ADCK5: variants seen among roughly 807,000 people sequenced by gnomAD.
ADCK5 encodes the protein aarF domain containing kinase 5, also known as uncharacterized aarF domain-containing protein kinase 5.
Under a neutral mutation model 64.9 loss-of-function variants are expected in ADCK5, and 43 were observed. The observed-to-expected ratio is 0.66, with a 90% CI of 0.52 to 0.85. The LOEUF (loss-of-function observed/expected upper bound fraction) is 0.85, where lower values mean the gene tolerates loss of function less well. Ranked by LOEUF, ADCK5 falls within the 40% of genes least tolerant of loss-of-function variation. ADCK5 has a pLI of 0.00. For missense variants in ADCK5, 760 were observed against 810.5 expected, an observed-to-expected ratio of 0.94 and a Z score of 0.76; for synonymous variants, 434 against 342.8, an observed-to-expected ratio of 1.27 and a Z score of -2.94.
rs1300942314 is a variant in ADCK5, at chr8:144,374,047, G to C, written c.-49G>C. The C allele has an allele frequency of 1.2e-5, 15 of 1,244,238 alleles. No individual in the cohort carries two copies. The highest frequency in any genetic ancestry group is 8.4e-5 in the Admixed American group (2 of 23,696). The allele number at this position is 1,244,238 out of a possible 1,614,324, so 77.1% of individuals were successfully genotyped here. On this transcript the variant is annotated 5_prime_UTR_variant, in exon 1 of 15. Coordinates refer to ENST00000308860, the MANE Select transcript of ADCK5 (RefSeq NM_174922.5). The stretch of plus-strand genomic sequence containing the variant: ...CCTCCCGCAGGGCCTGCTGGGCTGC[G>C]AGACGCTAAGCGGCGCCGGGCGGGA...
upstream of ADCK5, chr8:144,373,118 A>C (rs1554856373): frequency 1.3e-5 from 2 of 152,508 alleles, no homozygotes; most frequent in Non-Finnish European, 2.9e-5. Flanking sequence ...CCTTAGGCCA[A>C]GCTGACTCAG....
At chr8:144,377,872 C>T (rs1027039092) in intron 1 of ADCK5, among the ~76,000 whole-genome samples, 2 of 152,212 alleles carry the variant, frequency 1.3e-5, no homozygotes, top group South Asian at 2.1e-4. Flanking sequence ...CCACTTCCTT[C>T]GGAGATGAGG....
At chr8:144,392,417 C>CAA (rs2130735980) in intron 12 of ADCK5, 28 bp from the exon 13 acceptor site, 6 of 1,325,664 alleles carry the variant, frequency 4.5e-6, no homozygotes, top group Non-Finnish European at 4.9e-6. Flanking sequence ...TCAGAGCCCC[C>CAA]TCCCTCCCTC....
chr8:144,380,922 C>G (rs1564668844), intron 2 of ADCK5, among the ~76,000 whole-genome samples: 1 of 81,214 alleles, frequency 1.2e-5, no homozygotes, highest in African/African-American at 5.3e-5. Flanking sequence ...ACCTGCCCCA[C>G]TCAGGATTAT....
upstream of ADCK5, among the ~76,000 whole-genome samples, chr8:144,373,542 C>G (rs1819236235): frequency 6.6e-6 from 1 of 152,224 alleles, no homozygotes; most frequent in African/African-American, 2.4e-5. Context: ...AGCCCTGGCC[C>G]TGGGAAGGTC....
rs561033526 is a variant in ADCK5, at chr8:144,379,500, C to G, written c.116+10C>G. The G allele has an allele frequency of 1.6e-5, 26 of 1,582,872 alleles. No individual in the cohort carries two copies. The African/African-American group carries it at 3.0e-4, about 18-fold the overall frequency. On this transcript the variant is annotated intron_variant, in intron 2 of 14. Coordinates refer to ENST00000308860, the MANE Select transcript of ADCK5 (RefSeq NM_174922.5). ...GGGGCCTTCCTCCAAGGTAACGAGT[C>G]CTCCACGGGCATGCGCCTCTCACCC...
In ADCK5 at chr8:144,383,229, A is replaced by G; in HGVS notation, c.265A>G (p.Arg89Gly). 4 of 1,572,782 alleles carry G rather than the reference A, an allele frequency of 2.5e-6. No individual in the cohort carries two copies. The highest frequency in any genetic ancestry group is 3.5e-6 in the Non-Finnish European group (4 of 1,158,198). ...GGTGGATGGCATGGGGCGCTTTGGC[A>G]GGTAGGAGGGCCTGGCGGCAGGCAG... ...LVVDGMGRFG[R>G]SLKVGLQISL... is the part of the protein sequence containing the mutation. Residue 89 changes from arginine (R) to glycine (G), a missense_variant and splice_region_variant, in exon 3 of 15, where the codon AGG (arginine) becomes GGG (glycine). Physicochemically the swap from Arg to Gly is moderately radical, Grantham distance 125 (BLOSUM62 -2). Around this residue, in one of 2 missense-constraint regions of ADCK5, gnomAD observed 427 missense variants for 518.4 expected, o/e 0.82. Transcript: ENST00000308860.
At chr8:144,382,985 A>G in intron 2 of ADCK5, 96 bp from the exon 3 acceptor site, 1 of 1,493,740 alleles carries the variant, frequency 6.7e-7, no homozygotes, top group Non-Finnish European at 9.0e-7. Context: ...CTGTGCACAC[A>G]GGAGTGAGAC....
rs190206240 is a variant in ADCK5, at chr8:144,389,443, C to T, written c.267-1228C>T. On this transcript the variant is annotated intron_variant, in intron 3 of 14. Coordinates refer to ENST00000308860, the MANE Select transcript of ADCK5 (RefSeq NM_174922.5). Reference sequence around the variant, plus strand: ...AACCCCATCTCTCCAGAGGATGCCACCGTCCATACTGTCCCCTACCCCATC... The same window carrying T: ...AACCCCATCTCTCCAGAGGATGCCATCGTCCATACTGTCCCCTACCCCATC... The T allele has an allele frequency of 1.8e-5, 8 of 442,034 alleles. No individual in the cohort carries two copies. The East Asian group carries it at 5.6e-4, about 31-fold the overall frequency. The allele number at this position is 442,034 out of a possible 1,614,324, so 27.4% of individuals were successfully genotyped here.
At chr8:144,375,883 G>A (rs1206833309) in intron 1 of ADCK5, among the ~76,000 whole-genome samples, 1 of 152,198 alleles carries the variant, frequency 6.6e-6, no homozygotes, top group Non-Finnish European at 1.5e-5. Context: ...GGAAGGCCCT[G>A]GGGACCCACC....
At chr8:144,390,392 G>A (rs529932784) in intron 3 of ADCK5, among the ~76,000 whole-genome samples, 1 of 152,212 alleles carries the variant, frequency 6.6e-6, no homozygotes, top group Non-Finnish European at 1.5e-5. Flanking sequence ...GCCTCCCAAT[G>A]TGATGGGATA....
At chr8:144,375,105 G>A (rs1273112105) in intron 1 of ADCK5, among the ~76,000 whole-genome samples, 3 of 152,254 alleles carry the variant, frequency 2.0e-5, no homozygotes, top group Non-Finnish European at 2.9e-5. Flanking sequence ...TTCATGGGCC[G>A]GGGAGGTGGC....
intron 3 of ADCK5, among the ~76,000 whole-genome samples, chr8:144,388,566 C>T (rs537197326): frequency 2.8e-4 from 43 of 152,058 alleles, no homozygotes; most frequent in East Asian, 2.5e-3. Flanking sequence ...AGATCGAGAC[C>T]ATCCTGGCCA....
chr8:144,391,875 G>T lies in ADCK5; in HGVS notation c.1014+9G>T, dbSNP rs782793602. On this transcript the variant is annotated intron_variant, in intron 9 of 14. Coordinates refer to ENST00000308860, the MANE Select transcript of ADCK5 (RefSeq NM_174922.5). ...GGCTGGCAGTGCATGACGTGAGTGC[G>T]GGGGGGCGGGGGCGGGTCAGGGCGG... 1.3e-6 allele frequency: 2 copies of T among 1,586,654 alleles called. No homozygotes were observed. Among genetic ancestry groups the T allele is most frequent in the East Asian group, 4.6e-5 (2 of 43,800 alleles).
Position 144,390,810 on chromosome 8 carries a change from G to A in ADCK5, c.343-46G>A, listed in dbSNP as rs200341079. ...AGGTGGTGGGCTGGGTGGGACTGAGGAGGCAGCCACCTGTCCCCATGTGTT... is the reference window on the plus strand; with the variant it reads ...AGGTGGTGGGCTGGGTGGGACTGAGAAGGCAGCCACCTGTCCCCATGTGTT... On this transcript the variant is annotated intron_variant, in intron 4 of 14. Coordinates refer to ENST00000308860, the MANE Select transcript of ADCK5 (RefSeq NM_174922.5). 491 of 1,607,010 alleles carry A rather than the reference G, an allele frequency of 3.1e-4. 1 individual carries two copies. The highest frequency in any genetic ancestry group is 3.5e-4 in the Admixed American group (21 of 59,808).
At chr8:144,375,336 A>T in intron 1 of ADCK5, 1 of 558,950 alleles carries the variant, frequency 1.8e-6, no homozygotes, top group Non-Finnish European at 2.3e-6. Context: ...AGACCCACTT[A>T]CCCTGCCCAG....
rs563557453 is a variant in ADCK5, at chr8:144,379,569, C to T, written c.116+79C>T. ...TCTGTGTGCATGCAGAGGTGGCAGT[C>T]GAGGGCCCAAGGCTGGACCTTCTCC... On this transcript the variant is annotated intron_variant, in intron 2 of 14. Transcript: ENST00000308860. 8.7e-5 allele frequency: 107 copies of T among 1,230,336 alleles called. 1 individual carries two copies. Among genetic ancestry groups the T allele is most frequent in the Non-Finnish European group, 1.1e-4 (100 of 887,932 alleles). The allele number at this position is 1,230,336 out of a possible 1,614,324, so 76.2% of individuals were successfully genotyped here.
Position 144,392,683 on chromosome 8 carries a change from C to T in ADCK5, c.1506C>T (p.Phe502=), listed in dbSNP as rs1820355223. The T allele has an allele frequency of 7.5e-6, 12 of 1,596,244 alleles. No individual in the cohort carries two copies. Among genetic ancestry groups the T allele is most frequent in the Non-Finnish European group, 1.0e-5 (12 of 1,172,024 alleles). ...TCGGCGCCCCCGTGGACCGCTACTT[C>T]CTTATGGCTAAAAGGTCGGTGGCCC... ...VALGAPVDRY[F]LMAKRAVRGW... Residue 502 remains phenylalanine (F), a synonymous_variant, in exon 13 of 15, where the codon TTC becomes TTT. Transcript: ENST00000308860.
chr8:144,374,065 G>T lies in ADCK5; in HGVS notation c.-31G>T. The T allele has an allele frequency of 2.4e-6, 3 of 1,246,276 alleles. No individual in the cohort carries two copies. The highest frequency in any genetic ancestry group is 2.0e-6 in the Non-Finnish European group (2 of 988,442). 77.2% of individuals were successfully genotyped at this position (1,246,276 alleles called of 1,614,324 possible). On this transcript the variant is annotated 5_prime_UTR_variant, in exon 1 of 15. Transcript: ENST00000308860. ...GGGCTGCGAGACGCTAAGCGGCGCC[G>T]GGCGGGAGAAGAGCGGAGCAGTGGT...
Sources: gnomAD v4.1 joint callset for allele counts (sites outside exome capture counted in the v4.1 genomes callset) on GRCh38, gnomAD v4.1.1 for gene constraint, gnomAD v4.1.1 regional missense constraint, MANE v1.5 for transcripts, NCBI Gene and HGNC (gene_info 2026-07-23, HGNC 2026-07-21) for gene names.